Variants in CASR observed in about 807,000 individuals in gnomAD.
CASR encodes calcium sensing receptor, also known as extracellular calcium-sensing receptor.
CASR carries 23 observed loss-of-function variants against 69.1 expected under a neutral mutation model. The observed-to-expected ratio is 0.33, with a 90% CI of 0.24 to 0.47. The LOEUF is 0.47. Among genes scored for constraint, CASR ranks in the 20% least tolerant of loss-of-function variants. CASR has a pLI of 1.00. For synonymous variants in CASR, 541 were observed against 544.7 expected, an observed-to-expected ratio of 0.99 and a Z score of 0.10; for missense variants, 924 against 1,356.1, an observed-to-expected ratio of 0.68 and a Z score of 5.00.
rs764556468 is a variant in CASR, at chr3:122,254,198, T to C, written c.9T>C (p.Phe3=). The change falls in exon 2 of 7, where the codon TTT becomes TTC. Residue 3 remains phenylalanine (F), a synonymous_variant. Transcript: ENST00000639785. ...GGAGAGACGGCAGAACCATGGCATTTTATAGCTGCTGCTGGGTCCTCTTGG... is the reference window on the plus strand; with the variant it reads ...GGAGAGACGGCAGAACCATGGCATTCTATAGCTGCTGCTGGGTCCTCTTGG... MA[F]YSCCWVLLAL... 2 of 1,613,008 alleles carry C rather than the reference T, an allele frequency of 1.2e-6. No homozygotes were observed. Among genetic ancestry groups the C allele is most frequent in the Non-Finnish European group, 1.7e-6 (2 of 1,180,032 alleles).
chr3:122,263,796 C>A (rs1433597782), intron 4 of CASR, among the ~76,000 whole-genome samples: 1 of 152,088 alleles, frequency 6.6e-6, no homozygotes, highest in Non-Finnish European at 1.5e-5. Context: ...CCCTACCTTG[C>A]CAAGATAGAG....
chr3:122,251,539 A>G (rs1463892), intron 1 of CASR, among the ~76,000 whole-genome samples: 101,762 of 152,172 alleles, frequency 0.67, 34,338 homozygotes, highest in Admixed American at 0.78. Flanking sequence ...ATGCCCTGCA[A>G]TTAAGGACAT....
Position 122,216,134 on chromosome 3 carries a change from T to C in CASR, c.-243+32322T>C, listed in dbSNP as rs75045084. 4.9e-4 allele frequency among the ~76,000 whole-genome samples: 75 copies of C among 152,342 alleles called. No homozygotes were observed. In the East Asian group the frequency reaches 0.014, roughly 29 times the overall value. ...AGGCATTACTGCTTAAGTATATTTG[T>C]CAAATTAATCTTGTTTCTTGATGGG... On this transcript the variant is annotated intron_variant, in intron 1 of 6. Transcript: ENST00000639785.
chr3:122,244,210 A>G (rs1173541858), intron 1 of CASR, among the ~76,000 whole-genome samples: 1 of 152,156 alleles, frequency 6.6e-6, no homozygotes, highest in Non-Finnish European at 1.5e-5. Context: ...CAAAAGATAA[A>G]TGCTTGAGGG....
rs1482188377 is a variant in CASR, at chr3:122,261,954, A to C, written c.919A>C (p.Met307Leu). ...EAWASSSLIA[M>L]PQYFHVVGGT... ...CTGGGCCAGCTCCTCCCTGATCGCC[A>C]TGCCTCAGTACTTCCACGTGGTTGG... Residue 307 changes from methionine (M) to leucine (L), a missense_variant, in exon 4 of 7, where the codon ATG becomes CTG. Met to Leu is a conservative substitution (Grantham distance 15). Around this residue, in one of 8 missense-constraint regions of CASR, gnomAD observed 310 missense variants for 395.7 expected, o/e 0.78. Transcript: ENST00000639785. 1.9e-6 allele frequency: 3 copies of C among 1,614,010 alleles called. No homozygotes were observed. Among genetic ancestry groups the C allele is most frequent in the East Asian group, 2.2e-5 (1 of 44,894 alleles).
chr3:122,261,221 G>A (rs918399635), intron 3 of CASR, among the ~76,000 whole-genome samples: 3 of 152,312 alleles, frequency 2.0e-5, no homozygotes, highest in Middle Eastern at 3.4e-3. Context: ...GAAAGGCTAA[G>A]TACATCCCAC....
chr3:122,203,989 T>G (rs1331334148), intron 1 of CASR, among the ~76,000 whole-genome samples: 1 of 152,186 alleles, frequency 6.6e-6, no homozygotes, highest in South Asian at 2.1e-4. Flanking sequence ...TAGACATACA[T>G]AGTTTGTGGA....
At chr3:122,196,569 G>A (rs2073893488) in intron 1 of CASR, among the ~76,000 whole-genome samples, 2 of 151,624 alleles carry the variant, frequency 1.3e-5, no homozygotes, top group Non-Finnish European at 1.5e-5. Flanking sequence ...GCAAGGTCTC[G>A]CTCTGTCACC....
intron 1 of CASR, among the ~76,000 whole-genome samples, chr3:122,192,762 A>G (rs1353319500): frequency 2.6e-5 from 4 of 152,214 alleles, no homozygotes; most frequent in African/African-American, 9.6e-5. Flanking sequence ...AAATCTGATT[A>G]AGCGGGTCTG....
At chr3:122,240,115 G>A (rs2074366116) in intron 1 of CASR, among the ~76,000 whole-genome samples, 1 of 152,114 alleles carries the variant, frequency 6.6e-6, no homozygotes. Flanking sequence ...GAAAGTCAAG[G>A]ATAAAAAAGG....
At chr3:122,245,194 T>C (rs1023517172) in intron 1 of CASR, among the ~76,000 whole-genome samples, 2 of 152,178 alleles carry the variant, frequency 1.3e-5, no homozygotes, top group East Asian at 3.8e-4. Context: ...GAATGCTCCA[T>C]AAATACTTGT....
intron 4 of CASR, among the ~76,000 whole-genome samples, chr3:122,264,795 C>T (rs1230791324): frequency 6.6e-6 from 1 of 152,164 alleles, no homozygotes; most frequent in Non-Finnish European, 1.5e-5. Flanking sequence ...AGGAGATGAA[C>T]TAGCAATTAT....
intron 1 of CASR, among the ~76,000 whole-genome samples, chr3:122,199,086 A>T (rs1302106244): frequency 6.6e-6 from 1 of 152,232 alleles, no homozygotes; most frequent in East Asian, 1.9e-4. Context: ...ACATTAGTTC[A>T]TAAACAATAA....
intron 1 of CASR, among the ~76,000 whole-genome samples, chr3:122,211,605 G>A (rs920582721): frequency 2.0e-5 from 3 of 152,174 alleles, no homozygotes; most frequent in African/African-American, 7.2e-5. Context: ...CTGCTCAGGA[G>A]GCTGAGACAC....
At chr3:122,225,514 A>G (rs1018901459) in intron 1 of CASR, among the ~76,000 whole-genome samples, 1 of 151,368 alleles carries the variant, frequency 6.6e-6, no homozygotes, top group African/African-American at 2.4e-5. Context: ...ACAATAAGAT[A>G]CCATCTCACA....
intron 1 of CASR, among the ~76,000 whole-genome samples, chr3:122,252,439 A>AAG (rs2074504227): frequency 9.3e-6 from 1 of 108,088 alleles, no homozygotes; most frequent in Non-Finnish European, 1.9e-5. Flanking sequence ...GAAAGAAAGA[A>AAG]AGAAAGAAAA....
At chr3:122,199,938 G>A (rs191370116) in intron 1 of CASR, among the ~76,000 whole-genome samples, 11 of 152,002 alleles carry the variant, frequency 7.2e-5, no homozygotes, top group South Asian at 2.1e-4. Context: ...ATGCAGTTTC[G>A]CTCTCATTGC....
intron 1 of CASR, among the ~76,000 whole-genome samples, chr3:122,199,735 C>A (rs139610336): frequency 2.0e-5 from 3 of 151,784 alleles, no homozygotes; most frequent in Non-Finnish European, 2.9e-5. Flanking sequence ...AGGAAGGATG[C>A]GGGGGTGGGA....
intron 1 of CASR, among the ~76,000 whole-genome samples, chr3:122,213,097 G>A (rs2074084491): frequency 6.6e-6 from 1 of 152,186 alleles, no homozygotes; most frequent in Non-Finnish European, 1.5e-5. Context: ...GGGACATGCA[G>A]ATCTCACGTC....
Sources: gnomAD v4.1 joint callset for allele counts (sites outside exome capture counted in the v4.1 genomes callset) on GRCh38, gnomAD v4.1.1 for gene constraint, gnomAD v4.1.1 regional missense constraint, MANE v1.5 for transcripts, NCBI Gene and HGNC (gene_info 2026-07-23, HGNC 2026-07-21) for gene names.